The following PBX1 variants were observed in gnomAD, a reference collection of about 807,000 sequenced individuals.
PBX1 encodes pre-B-cell leukemia transcription factor 1.
PBX1 carries 6 observed loss-of-function variants against 53.4 expected under a neutral mutation model. That is an observed-to-expected ratio of 0.11 (90% CI 0.06 to 0.22). The LOEUF (loss-of-function observed/expected upper bound fraction) is 0.22. PBX1 is among the 10% of genes least tolerant of loss of function. PBX1 has a pLI of 1.00. For missense variants in PBX1, 251 were observed against 551.4 expected, an observed-to-expected ratio of 0.46 and a Z score of 5.46; for synonymous variants, 204 against 212.3, an observed-to-expected ratio of 0.96 and a Z score of 0.34.
intron 2 of PBX1, among the ~76,000 whole-genome samples, chr1:164,743,076 A>T (rs376991088): frequency 3.0e-4 from 46 of 152,334 alleles, no homozygotes; most frequent in Middle Eastern, 6.8e-3. Context: ...AGAAACAGTG[A>T]TGGGGCTAAG....
At chr1:164,746,622 C>A (rs1453462813) in intron 2 of PBX1, among the ~76,000 whole-genome samples, 5 of 152,052 alleles carry the variant, frequency 3.3e-5, no homozygotes, top group Admixed American at 2.0e-4. Context: ...TGTGGCCAGG[C>A]TGTTCTCGAA....
chr1:164,747,419 G>T (rs1268829167), intron 2 of PBX1, among the ~76,000 whole-genome samples: 1 of 151,832 alleles, frequency 6.6e-6, no homozygotes, highest in African/African-American at 2.4e-5. Flanking sequence ...ATTCACAGAA[G>T]ATAACTTTGG....
At chr1:164,807,289 A>G (rs536756604) in intron 4 of PBX1, among the ~76,000 whole-genome samples, 1 of 152,262 alleles carries the variant, frequency 6.6e-6, no homozygotes, top group Non-Finnish European at 1.5e-5. Context: ...CGAATTTTGA[A>G]ACTTTATACT....
intron 2 of PBX1, among the ~76,000 whole-genome samples, chr1:164,787,098 T>G (rs2102289088): frequency 6.6e-6 from 1 of 152,292 alleles, no homozygotes; most frequent in East Asian, 1.9e-4. Flanking sequence ...CTCTCTTTTC[T>G]AACTCTTCTG....
chr1:164,683,740 T>G (rs1375224157), intron 2 of PBX1: 1 of 132,872 alleles, frequency 7.5e-6, no homozygotes, highest in Admixed American at 9.4e-5. Context: ...GTGCTTGTGT[T>G]GTGTGAAGTC....
intron 6 of PBX1, chr1:164,816,336 G>A (rs1485761004): frequency 6.6e-6 from 1 of 152,156 alleles, no homozygotes; most frequent in Non-Finnish European, 1.5e-5. Flanking sequence ...CTAGTAAAAA[G>A]GGCCTATCCT....
At chr1:164,720,606 G>C (rs1664351242) in intron 2 of PBX1, among the ~76,000 whole-genome samples, 2 of 152,172 alleles carry the variant, frequency 1.3e-5, no homozygotes, top group Non-Finnish European at 2.9e-5. Flanking sequence ...GGAAACAAAA[G>C]CTGCTACTTC....
chr1:164,659,819 G>A (rs1660377723), intron 2 of PBX1, among the ~76,000 whole-genome samples: 1 of 152,212 alleles, frequency 6.6e-6, no homozygotes, highest in African/African-American at 2.4e-5. Flanking sequence ...GGTGGTGGCA[G>A]TGGTGGGGAT....
At position 164,847,810 on chromosome 1, in the gene PBX1, A is replaced by C; in HGVS notation, c.*1134A>C. The C allele has an allele frequency of 4.7e-6, 5 of 1,054,264 alleles. No homozygotes were observed. The highest frequency in any genetic ancestry group is 4.3e-4 in the Middle Eastern group (1 of 2,312). The allele number at this position is 1,054,264 out of a possible 1,614,324, so 65.3% of individuals were successfully genotyped here. On this transcript the variant is annotated 3_prime_UTR_variant, in exon 9 of 9. Transcript: ENST00000420696. ...TGTGTCTGGGGCTTCCAGGACCTGC[A>C]GGCCCACTAGCGTGCACTTACCAGA...
intron 2 of PBX1, among the ~76,000 whole-genome samples, chr1:164,623,410 A>G (rs1362987670): frequency 1.3e-5 from 2 of 152,196 alleles, no homozygotes; most frequent in Non-Finnish European, 2.9e-5. Flanking sequence ...GGCAGGAAAG[A>G]AGGAGATTTC....
At chr1:164,731,748 A>G (rs1664999447) in intron 2 of PBX1, among the ~76,000 whole-genome samples, 1 of 152,220 alleles carries the variant, frequency 6.6e-6, no homozygotes, top group Non-Finnish European at 1.5e-5. Context: ...AGGATTAATT[A>G]CTGTTAATTA....
At chr1:164,730,374 C>T (rs1215629294) in intron 2 of PBX1, among the ~76,000 whole-genome samples, 1 of 152,172 alleles carries the variant, frequency 6.6e-6, no homozygotes, top group Non-Finnish European at 1.5e-5. Flanking sequence ...ACCTGTCCAG[C>T]ACACACCTCA....
At chr1:164,831,030 A>T (rs998723295) in intron 8 of PBX1, among the ~76,000 whole-genome samples, 2 of 152,226 alleles carry the variant, frequency 1.3e-5, no homozygotes, top group African/African-American at 4.8e-5. Flanking sequence ...GATACCTTTT[A>T]AAATGTTTTC....
At chr1:164,589,736 C>T (rs1655228155) in intron 2 of PBX1, among the ~76,000 whole-genome samples, 1 of 152,140 alleles carries the variant, frequency 6.6e-6, no homozygotes, top group African/African-American at 2.4e-5. Flanking sequence ...CTGACAAATA[C>T]TTTTCTGATT....
chr1:164,615,842 C>T (rs1657241100), intron 2 of PBX1, among the ~76,000 whole-genome samples: 1 of 152,158 alleles, frequency 6.6e-6, no homozygotes, highest in Non-Finnish European at 1.5e-5. Flanking sequence ...GGAGAGCCTA[C>T]AGGCCTTCTG....
At chr1:164,631,472 C>T (rs1304000935) in intron 2 of PBX1, among the ~76,000 whole-genome samples, 3 of 152,010 alleles carry the variant, frequency 2.0e-5, no homozygotes, top group Admixed American at 2.0e-4. Flanking sequence ...CTGCATTGAC[C>T]CTTTTACTGA....
At chr1:164,590,904 G>A (rs1183212074) in intron 2 of PBX1, among the ~76,000 whole-genome samples, 3 of 152,052 alleles carry the variant, frequency 2.0e-5, no homozygotes, top group Non-Finnish European at 4.4e-5. Context: ...GAGGGCAGTG[G>A]TGCGATCTCG....
chr1:164,642,935 A>G (rs1659230396), intron 2 of PBX1: 1 of 152,194 alleles, frequency 6.6e-6, no homozygotes, highest in Non-Finnish European at 1.5e-5. Flanking sequence ...TTTAAGATAA[A>G]GTATAGAAGC....
chr1:164,881,613 A>AAGGAAAGGAG (rs1672660964), intron 2 of PBX1, among the ~76,000 whole-genome samples: 1 of 151,136 alleles, frequency 6.6e-6, no homozygotes. Context: ...AAGGAAAGGA[A>AAGGAAAGGAG]AGGAAAGGAA....
Sources: gnomAD v4.1 joint callset for allele counts (sites outside exome capture counted in the v4.1 genomes callset) on GRCh38, gnomAD v4.1.1 for gene constraint, MANE v1.5 for transcripts, NCBI Gene and HGNC (gene_info 2026-07-23, HGNC 2026-07-21) for gene names.